The following XYLT1 variants were observed in gnomAD, a reference collection of about 807,000 sequenced individuals.
XYLT1 encodes beta-D-xylosyltransferase 1.
XYLT1 carries 36 observed loss-of-function variants against 91.3 expected under a neutral mutation model. That is an observed-to-expected ratio of 0.39 (90% CI 0.30 to 0.52). XYLT1 has a LOEUF of 0.52. Ranked by LOEUF, XYLT1 falls within the 20% of genes least tolerant of loss-of-function variation. The probability of loss-of-function intolerance (pLI) is 0.68; values close to 1 mark genes in which losing one functional copy is unlikely to be tolerated. For synonymous variants in XYLT1, 588 were observed against 532.0 expected (o/e 1.11, Z -1.45); for missense variants, 1,242 against 1,284.5 (o/e 0.97, Z 0.51).
At chr16:17,200,717 G>A (rs1195810944) in intron 3 of XYLT1, 63 bp from the exon 4 acceptor site, 25 of 1,574,160 alleles carry the variant, frequency 1.6e-5, no homozygotes, top group Non-Finnish European at 2.2e-5. Flanking sequence ...TGCAGGGGTG[G>A]GAAGTTTCTC....
intron 2 of XYLT1, among the ~76,000 whole-genome samples, chr16:17,281,230 G>C (rs2034053977): frequency 6.6e-6 from 1 of 152,106 alleles, no homozygotes; most frequent in African/African-American, 2.4e-5. Context: ...GAGCCCCAGT[G>C]CCCGGTCACG....
chr16:17,174,339 T>G (rs1224749306), intron 5 of XYLT1, among the ~76,000 whole-genome samples: 2 of 152,146 alleles, frequency 1.3e-5, no homozygotes, highest in African/African-American at 4.8e-5. Flanking sequence ...GCAGCACTAC[T>G]CACAATAGCC....
chr16:17,389,195 G>A (rs565392158), intron 1 of XYLT1, among the ~76,000 whole-genome samples: 40 of 152,330 alleles, frequency 2.6e-4, no homozygotes, highest in East Asian at 1.4e-3. Context: ...AAGTGGCTGT[G>A]TAGATTCAAT....
Position 17,109,516 on chromosome 16 carries a change from TTCAGGCAG to T in XYLT1, c.2558-507_2558-500del, listed in dbSNP as rs575594709. ...GAAATAAGTAGATAAATAAGGTTATTTCAGGCAGTGATAAGTGTCATGAAGGCAAAAAA... is the reference window on the plus strand; with the variant it reads ...GAAATAAGTAGATAAATAAGGTTATTTGATAAGTGTCATGAAGGCAAAAAA... On this transcript the variant is annotated intron_variant, in intron 11 of 11. Coordinates refer to ENST00000261381, the MANE Select transcript of XYLT1 (RefSeq NM_022166.4). Among the ~76,000 whole-genome samples, 24 of 152,280 alleles carry T rather than the reference TTCAGGCAG, an allele frequency of 1.6e-4. No individual in the cohort carries two copies. The East Asian group carries it at 4.4e-3, about 28-fold the overall frequency.
At chr16:17,264,396 A>G (rs1453743509) in intron 2 of XYLT1, among the ~76,000 whole-genome samples, 1 of 152,194 alleles carries the variant, frequency 6.6e-6, no homozygotes, top group Non-Finnish European at 1.5e-5. Flanking sequence ...ATGTTGCTGT[A>G]TGTTGCAGGA....
chr16:17,306,682 C>A (rs923209184), intron 2 of XYLT1, among the ~76,000 whole-genome samples: 2 of 151,980 alleles, frequency 1.3e-5, no homozygotes, highest in Non-Finnish European at 2.9e-5. Context: ...TTCTTAAAAT[C>A]TTTTTATATA....
chr16:17,180,569 G>A lies in XYLT1; in HGVS notation c.1289+17643C>T, dbSNP rs186908011. 2.0e-3 allele frequency among the ~76,000 whole-genome samples: 311 copies of A among 152,232 alleles called. 1 individual carries two copies. The highest frequency in any genetic ancestry group is 7.2e-3 in the African/African-American group (301 of 41,548). The stretch of plus-strand genomic sequence containing the variant: ...CTGGAGGAGAAAGGACATAGGAGAC[G>A]GGTGATGGCTTTTAGGGGCACAGTT... On this transcript the variant is annotated intron_variant, in intron 5 of 11. Coordinates refer to ENST00000261381, the MANE Select transcript of XYLT1 (RefSeq NM_022166.4).
chr16:17,428,685 C>G (rs2036349295), intron 1 of XYLT1, among the ~76,000 whole-genome samples: 1 of 152,228 alleles, frequency 6.6e-6, no homozygotes, highest in African/African-American at 2.4e-5. Context: ...CTGACATCCC[C>G]TTGCCGCCAG....
chr16:17,238,994 T>A (rs2033293544), intron 3 of XYLT1, among the ~76,000 whole-genome samples: 1 of 152,246 alleles, frequency 6.6e-6, no homozygotes, highest in Non-Finnish European at 1.5e-5. Context: ...GGTCCTCTAA[T>A]GAACAATCCA....
At chr16:17,162,437 A>C (rs2031577880) in intron 5 of XYLT1, among the ~76,000 whole-genome samples, 1 of 149,966 alleles carries the variant, frequency 6.7e-6, no homozygotes, top group South Asian at 2.1e-4. Flanking sequence ...ATTTCACTTC[A>C]CTCTCATTTT....
intron 2 of XYLT1, among the ~76,000 whole-genome samples, chr16:17,292,172 A>T (rs2034240049): frequency 6.6e-6 from 1 of 151,986 alleles, no homozygotes; most frequent in Non-Finnish European, 1.5e-5. Context: ...TATTATATAT[A>T]TTATATATAC....
chr16:17,384,044 G>T (rs942960515), intron 1 of XYLT1, among the ~76,000 whole-genome samples: 1 of 151,868 alleles, frequency 6.6e-6, no homozygotes, highest in African/African-American at 2.4e-5. Flanking sequence ...CACCGCGCCG[G>T]CCCCTAAGTG....
intron 3 of XYLT1, among the ~76,000 whole-genome samples, chr16:17,245,406 G>A (rs2033420416): frequency 6.6e-6 from 1 of 152,100 alleles, no homozygotes; most frequent in East Asian, 1.9e-4. Flanking sequence ...ATTAATTTGC[G>A]CTTTGTGGCT....
chr16:17,396,877 A>G (rs1028521035), intron 1 of XYLT1, among the ~76,000 whole-genome samples: 1 of 152,178 alleles, frequency 6.6e-6, no homozygotes, highest in Non-Finnish European at 1.5e-5. Flanking sequence ...CAGAAAAAAA[A>G]GTATCTAACT....
chr16:17,367,357 G>A (rs1361341560), intron 1 of XYLT1, among the ~76,000 whole-genome samples: 1 of 152,174 alleles, frequency 6.6e-6, no homozygotes, highest in Non-Finnish European at 1.5e-5. Flanking sequence ...TGGCCACCCA[G>A]GCTGTGTTTG....
At chr16:17,134,204 CTAAAGTATA>C (rs777940773) in intron 9 of XYLT1, among the ~76,000 whole-genome samples, 2 of 152,108 alleles carry the variant, frequency 1.3e-5, no homozygotes, top group Non-Finnish European at 2.9e-5. Flanking sequence ...AAGCTTCCTT[CTAAAGTATA>C]TATATGTAGC....
At chr16:17,299,614 T>C (rs142665049) in intron 2 of XYLT1, among the ~76,000 whole-genome samples, 1 of 151,920 alleles carries the variant, frequency 6.6e-6, no homozygotes, top group Non-Finnish European at 1.5e-5. Flanking sequence ...TATGTGGGAG[T>C]TGATTTAGCC....
rs372413437 is a variant in XYLT1, at chr16:17,291,938, G to A, written c.403-32440C>T. Among the ~76,000 whole-genome samples, 25 of 152,126 alleles carry A rather than the reference G, an allele frequency of 1.6e-4. No homozygotes were observed. The East Asian group carries it at 4.5e-3, about 27-fold the overall frequency. ...ACGGTAGCTGACACCTGTAATCCTA[G>A]CACTTAGGGAGGCCGAGACCTGTGG... is the stretch of plus-strand genomic sequence containing the variant. On this transcript the variant is annotated intron_variant, in intron 2 of 11. Coordinates refer to ENST00000261381, the MANE Select transcript of XYLT1 (RefSeq NM_022166.4).
At chr16:17,352,584 G>A (rs1048968018) in intron 2 of XYLT1, among the ~76,000 whole-genome samples, 13 of 152,136 alleles carry the variant, frequency 8.5e-5, no homozygotes, top group South Asian at 4.1e-4. Flanking sequence ...CTTTTTGCAA[G>A]GTTAACTTTT....
Sources: gnomAD v4.1 joint callset for allele counts (sites outside exome capture counted in the v4.1 genomes callset) on GRCh38, gnomAD v4.1.1 for gene constraint, MANE v1.5 for transcripts, NCBI Gene and HGNC (gene_info 2026-07-23, HGNC 2026-07-21) for gene names.